FOXP1: variants seen among roughly 807,000 people sequenced by gnomAD.
The protein encoded by FOXP1 is forkhead box protein P1.
In FOXP1, 15 loss-of-function variants were observed where a neutral mutation model predicts 98.2. The observed-to-expected ratio is 0.15, with a 90% CI of 0.10 to 0.24. The LOEUF (loss-of-function observed/expected upper bound fraction) is 0.24. FOXP1 is among the 10% of genes least tolerant of loss of function. The pLI is 1.00. For missense variants in FOXP1, 633 were observed against 848.5 expected (o/e 0.75, Z 3.15); for synonymous variants, 371 against 314.5 (o/e 1.18, Z -1.90).
chr3:71,527,507 A>T (rs2043486601), intron 2 of FOXP1, among the ~76,000 whole-genome samples: 1 of 152,180 alleles, frequency 6.6e-6, no homozygotes, highest in African/African-American at 2.4e-5. Context: ...CTCTCACCCA[A>T]AAAGCTCAGA....
At chr3:71,439,950 G>GAA (rs34186820) in intron 3 of FOXP1, among the ~76,000 whole-genome samples, 3,728 of 132,868 alleles carry the variant, frequency 0.028, 155 homozygotes, top group African/African-American at 0.091. Flanking sequence ...TCTGTCTCAG[G>GAA]AAAAAAAAAA....
At chr3:71,139,975 T>C (rs2107988989) in intron 6 of FOXP1, among the ~76,000 whole-genome samples, 1 of 152,310 alleles carries the variant, frequency 6.6e-6, no homozygotes, top group South Asian at 2.1e-4. Flanking sequence ...GTGTTCACGG[T>C]GGTTGTATGC....
At chr3:71,582,621 A>G in intron 1 of FOXP1, 1 of 985,374 alleles carries the variant, frequency 1.0e-6, no homozygotes. Context: ...GGGGGGTAAA[A>G]TCAGAAAATG....
chr3:71,419,777 GCA>G (rs1423714762), intron 3 of FOXP1, among the ~76,000 whole-genome samples: 1 of 151,890 alleles, frequency 6.6e-6, no homozygotes, highest in Non-Finnish European at 1.5e-5. Context: ...ATACATATAT[GCA>G]CACACACACA....
chr3:71,188,736 T>C (rs1388727786), intron 6 of FOXP1, among the ~76,000 whole-genome samples: 1 of 152,182 alleles, frequency 6.6e-6, no homozygotes, highest in Non-Finnish European at 1.5e-5. Context: ...GTGGCTGTGA[T>C]ACTGACAACT....
chr3:71,552,271 C>A (rs1026719422), intron 2 of FOXP1, among the ~76,000 whole-genome samples: 1 of 152,044 alleles, frequency 6.6e-6, no homozygotes, highest in African/African-American at 2.4e-5. Flanking sequence ...ATAACAAAAA[C>A]ACAGCCCTAA....
intron 14 of FOXP1, among the ~76,000 whole-genome samples, chr3:70,980,200 G>A (rs1222712822): frequency 6.6e-6 from 1 of 152,148 alleles, no homozygotes; most frequent in Admixed American, 6.5e-5. Context: ...GGGAAGAGTT[G>A]GGGCTGACCT....
At chr3:71,211,330 C>T (rs141611677) in intron 5 of FOXP1, among the ~76,000 whole-genome samples, 40 of 152,156 alleles carry the variant, frequency 2.6e-4, no homozygotes, top group African/African-American at 9.6e-4. Context: ...CTCAGCTTCC[C>T]GAGTAGCTGG....
At chr3:70,971,939 A>G (rs1271537653) in intron 18 of FOXP1, 19 of 1,244,734 alleles carry the variant, frequency 1.5e-5, no homozygotes, top group Admixed American at 3.6e-5. Flanking sequence ...GCAAAACTAC[A>G]TGGGATGAGT....
At chr3:71,419,980 C>G (rs1243984619) in intron 3 of FOXP1, among the ~76,000 whole-genome samples, 2 of 151,880 alleles carry the variant, frequency 1.3e-5, no homozygotes, top group African/African-American at 4.8e-5. Flanking sequence ...ACACCCCCAG[C>G]TAATTTTTGT....
chr3:71,538,413 G>A (rs915818978), intron 2 of FOXP1, among the ~76,000 whole-genome samples: 15 of 152,196 alleles, frequency 9.9e-5, no homozygotes, highest in African/African-American at 3.6e-4. Flanking sequence ...AAATGGAATT[G>A]AATATGCGGT....
intron 3 of FOXP1, among the ~76,000 whole-genome samples, chr3:71,475,903 GAAAAA>G (rs11329852): frequency 7.4e-6 from 1 of 135,626 alleles, no homozygotes; most frequent in Non-Finnish European, 1.6e-5. Flanking sequence ...CTCTTCAAGG[GAAAAA>G]AAAAAAAAAA....
chr3:71,462,794 A>T (rs2088276324), intron 3 of FOXP1, among the ~76,000 whole-genome samples: 1 of 152,218 alleles, frequency 6.6e-6, no homozygotes, highest in Non-Finnish European at 1.5e-5. Context: ...TGTGTGATGT[A>T]GCTTCATCTG....
At chr3:71,556,102 A>G (rs2046108013) in intron 2 of FOXP1, among the ~76,000 whole-genome samples, 2 of 152,284 alleles carry the variant, frequency 1.3e-5, no homozygotes, top group Admixed American at 1.3e-4. Context: ...TGTAATATGT[A>G]TTAAAGTCTA....
chr3:71,297,806 G>GGGTTTCACCA (rs71104437), intron 5 of FOXP1, among the ~76,000 whole-genome samples: 141,061 of 151,064 alleles, frequency 0.93, 66,373 homozygotes, highest in Non-Finnish European at 1. Flanking sequence ...AGTAGAGACG[G>GGGTTTCACCA]GGTTTCACCA....
At chr3:70,969,242 A>G (rs1164432186) in intron 19 of FOXP1, 1 of 152,136 alleles carries the variant, frequency 6.6e-6, no homozygotes, top group African/African-American at 2.4e-5. Flanking sequence ...CAGGGAAAAT[A>G]AGTTACTAAT....
At chr3:70,970,847 G>A (rs1015921533) in intron 18 of FOXP1, 42 bp from the exon 19 acceptor site, 29 of 1,455,310 alleles carry the variant, frequency 2.0e-5, no homozygotes, top group African/African-American at 5.6e-5. Context: ...AAACACAGTC[G>A]ACTGCTGAGT....
At chr3:71,497,823 G>A (rs2091521663) in intron 2 of FOXP1, among the ~76,000 whole-genome samples, 2 of 152,146 alleles carry the variant, frequency 1.3e-5, no homozygotes. Context: ...CCTTGGCCCA[G>A]GAGGTCAGCA....
intron 3 of FOXP1, chr3:71,360,782 G>A (rs898729802): frequency 6.6e-6 from 1 of 152,156 alleles, no homozygotes; most frequent in African/African-American, 2.4e-5. Flanking sequence ...GCAATACTTT[G>A]TGAATTTACA....
Sources: gnomAD v4.1 joint callset for allele counts (sites outside exome capture counted in the v4.1 genomes callset) on GRCh38, gnomAD v4.1.1 for gene constraint, MANE v1.5 for transcripts, NCBI Gene and HGNC (gene_info 2026-07-23, HGNC 2026-07-21) for gene names.